The following GABRE variants were observed in gnomAD, a reference collection of about 807,000 sequenced individuals.
GABRE encodes the protein gamma-aminobutyric acid receptor subunit epsilon.
Under a neutral mutation model 31.0 loss-of-function variants are expected in GABRE, and 20 were observed. The observed-to-expected ratio is 0.64, with a 90% confidence interval of 0.45 to 0.94. The LOEUF (loss-of-function observed/expected upper bound fraction) is 0.94. Ranked by LOEUF, GABRE falls within the 40% of genes least tolerant of loss-of-function variation. The probability of loss-of-function intolerance (pLI) is 0.00; values close to 1 mark genes in which losing one functional copy is unlikely to be tolerated. For missense variants in GABRE, 420 were observed against 410.7 expected, an observed-to-expected ratio of 1.02 and a Z score of -0.20; for synonymous variants, 155 against 150.6, an observed-to-expected ratio of 1.03 and a Z score of -0.21.
rs147912995 is a variant in GABRE at position 151,965,173 on chromosome X, G to A, written c.343-2530C>T. Among the ~76,000 whole-genome samples, 445 of 111,785 alleles carry A rather than the reference G, an allele frequency of 4.0e-3. 1 individual carries two copies. Among genetic ancestry groups the A allele is most frequent in the African/African-American group, 0.013 (411 of 30,769 alleles). Reference sequence around the variant, plus strand: ...CTCAGGGGAGCTGGGGGGGAAAGGAGTGTTTTGAGTCACAAGAGAAACCTC... The same window carrying A: ...CTCAGGGGAGCTGGGGGGGAAAGGAATGTTTTGAGTCACAAGAGAAACCTC... On this transcript the variant is annotated intron_variant, in intron 3 of 8. Transcript: ENST00000370328.
At chrX:151,969,844 C>T (rs1439390552) in intron 2 of GABRE, 108 bp from the exon 3 acceptor site, 21 of 1,121,307 alleles carry the variant, frequency 1.9e-5, no homozygotes, top group Middle Eastern at 3.5e-4. Context: ...TGTTGGACCA[C>T]ACAGTTTCAG....
At chrX:151,960,061 T>C in intron 5 of GABRE, 85 bp from the exon 6 acceptor site, 1 of 891,367 alleles carries the variant, frequency 1.1e-6, no homozygotes, top group Non-Finnish European at 1.6e-6. Context: ...GCCTGCACAA[T>C]GCCTTGGAGT....
chrX:151,959,977 C>T lies in GABRE; in HGVS notation c.647-1G>A. 1 of 1,207,337 alleles carries T rather than the reference C, an allele frequency of 8.3e-7. No individual in the cohort carries two copies. The highest frequency in any genetic ancestry group is 1.1e-6 in the Non-Finnish European group (1 of 893,772). ...ATCATCTCATTCTCAGGATAGGAAA[C>T]TGGAAAGGAATGTGAGAAAGAGGGT... is the stretch of plus-strand genomic sequence containing the variant. On this transcript the variant is annotated splice_acceptor_variant, in intron 5 of 8. Transcript: ENST00000370328. LOFTEE classifies it high-confidence loss of function.
chrX:151,965,287 G>A (rs1934494998), intron 3 of GABRE, among the ~76,000 whole-genome samples: 1 of 111,902 alleles, frequency 8.9e-6, no homozygotes, highest in South Asian at 3.8e-4. Context: ...TGTAACCTCT[G>A]AATGTGTGTG....
At chrX:151,959,476 G>T in intron 6 of GABRE, 1 of 331,461 alleles carries the variant, frequency 3.0e-6, no homozygotes. Flanking sequence ...TTGGTTCTGG[G>T]TATGGAGAAC....
intron 2 of GABRE, 21 bp downstream of exon 2, chrX:151,970,164 G>T: frequency 8.3e-7 from 1 of 1,210,398 alleles, no homozygotes; most frequent in Non-Finnish European, 1.1e-6. Context: ...AGGAGGGGAA[G>T]AACGTCGTTC....
At chrX:151,958,581 C>T (rs1934252785) in intron 6 of GABRE, 1 of 378,130 alleles carries the variant, frequency 2.6e-6, no homozygotes, top group Admixed American at 2.6e-5. Flanking sequence ...GGCTCTGGGG[C>T]TTTGTAGTCA....
Position 151,960,926 on chromosome X carries a change from T to G in GABRE, c.646+357A>C, listed in dbSNP as rs773896270. On this transcript the variant is annotated intron_variant, in intron 5 of 8. Transcript: ENST00000370328. ...GATGGGAACCCAGAAGCAACACACT[T>G]GTTTTGGTGGTAGAGGTTTGGAGGA... Among the ~76,000 whole-genome samples, 6 of 111,535 alleles carry G rather than the reference T, an allele frequency of 5.4e-5. No homozygotes were observed. In the East Asian group the frequency reaches 1.7e-3, roughly 32 times the overall value.
rs781356325 is a variant in GABRE, at chrX:151,953,683, G to A, written c.*1018C>T. On this transcript the variant is annotated 3_prime_UTR_variant, in exon 9 of 9. Transcript: ENST00000370328. The stretch of plus-strand genomic sequence containing the variant: ...TTGATTGTGATGGTTAGAGTGCCCC[G>A]GGTATAACAGTGGACTGGTTTATGG... The A allele has an allele frequency of 3.6e-5, 4 of 112,192 alleles. No individual in the cohort carries two copies. The highest frequency in any genetic ancestry group is 9.4e-5 in the Admixed American group (1 of 10,650). The allele number at this position is 112,192 out of a possible 1,213,427, so 9.2% of individuals were successfully genotyped here.
At chrX:151,974,016 G>T (rs1241306422) in intron 1 of GABRE, among the ~76,000 whole-genome samples, 1 of 111,086 alleles carries the variant, frequency 9.0e-6, no homozygotes, top group Non-Finnish European at 1.9e-5. Flanking sequence ...GCAGCGGCAT[G>T]GGAAGCAAGT....
chrX:151,972,879 A>G (rs1002946387), intron 1 of GABRE, among the ~76,000 whole-genome samples: 3 of 110,472 alleles, frequency 2.7e-5, no homozygotes, highest in Non-Finnish European at 5.7e-5. Flanking sequence ...ACATTGGAAT[A>G]GTGGCATTTT....
At chrX:151,963,533 C>T (rs145361363) in intron 3 of GABRE, among the ~76,000 whole-genome samples, 204 of 112,337 alleles carry the variant, frequency 1.8e-3, no homozygotes, top group African/African-American at 6.4e-3. Context: ...GAAAGTGTTG[C>T]CCAACAGAAT....
chrX:151,966,026 G>A (rs749293035), intron 3 of GABRE, among the ~76,000 whole-genome samples: 1 of 112,603 alleles, frequency 8.9e-6, no homozygotes, highest in South Asian at 3.7e-4. Flanking sequence ...CAGGCCTCGT[G>A]AACTGCTTGG....
At chrX:151,969,789 C>A (rs1934632724) in intron 2 of GABRE, 53 bp from the exon 3 acceptor site, 1 of 1,193,906 alleles carries the variant, frequency 8.4e-7, no homozygotes, top group Non-Finnish European at 1.1e-6. Context: ...GCGCATGGGA[C>A]GGGGGAGGAA....
At chrX:151,972,181 C>T (rs1246080993) in intron 1 of GABRE, 1 of 751,790 alleles carries the variant, frequency 1.3e-6, no homozygotes, top group East Asian at 1.5e-4. Flanking sequence ...TGCAGTATTT[C>T]AAGCTGTTAG....
intron 3 of GABRE, among the ~76,000 whole-genome samples, chrX:151,969,016 G>T (rs1341868318): frequency 1.8e-5 from 2 of 112,386 alleles, no homozygotes; most frequent in East Asian, 5.6e-4. Flanking sequence ...TGGAACAATG[G>T]CATACCAAAT....
chrX:151,969,870 CTTTA>C (rs1454404582), intron 2 of GABRE, 134 bp from the exon 3 acceptor site: 2 of 1,087,730 alleles, frequency 1.8e-6, no homozygotes, highest in Non-Finnish European at 2.4e-6. Context: ...AATCCTATTT[CTTTA>C]TTTATTCTTT....
At chrX:151,961,807 G>GAAAACAAAACAAAAC (rs61666720) in intron 4 of GABRE, among the ~76,000 whole-genome samples, 31 of 108,059 alleles carry the variant, frequency 2.9e-4, no homozygotes, top group African/African-American at 1.0e-3. Flanking sequence ...TAACAAGAGA[G>GAAAACAAAACAAAAC]AAAACAAAAC....
intron 6 of GABRE, chrX:151,956,961 C>T (rs919332113): frequency 8.7e-6 from 1 of 114,424 alleles, no homozygotes; most frequent in Non-Finnish European, 1.8e-5. Context: ...TCTCTGAGCC[C>T]AGGACATCAT....
Sources: gnomAD v4.1 joint callset for allele counts (sites outside exome capture counted in the v4.1 genomes callset) on GRCh38, gnomAD v4.1.1 for gene constraint, MANE v1.5 for transcripts, NCBI Gene and HGNC (gene_info 2026-07-23, HGNC 2026-07-21) for gene names.